The following ASAP2 variants were observed in gnomAD, a reference collection of about 807,000 sequenced individuals.
ASAP2 encodes the protein arf-GAP with SH3 domain, ANK repeat and PH domain-containing protein 2.
A neutral mutation model predicts 131.4 loss-of-function variants in ASAP2; 45 were observed. The ratio of observed to expected loss-of-function variants is 0.34; its 90% confidence interval spans 0.27 to 0.44. ASAP2 has a LOEUF of 0.44. Ranked by LOEUF, ASAP2 falls within the 20% of genes least tolerant of loss-of-function variation. The pLI is 1.00. For missense variants in ASAP2, 1,011 were observed against 1,297.0 expected (o/e 0.78, Z 3.39); for synonymous variants, 510 against 503.0 (o/e 1.01, Z -0.19).
chr2:9,297,947 AGC>A (rs1331168890), intron 3 of ASAP2, among the ~76,000 whole-genome samples: 1 of 150,432 alleles, frequency 6.6e-6, no homozygotes, highest in Non-Finnish European at 1.5e-5. Flanking sequence ...CTCGGTTTTC[AGC>A]CGTGGGAATG....
chr2:9,226,282 A>C (rs1662762601), intron 1 of ASAP2, among the ~76,000 whole-genome samples: 1 of 152,246 alleles, frequency 6.6e-6, no homozygotes, highest in Admixed American at 6.5e-5. Context: ...CCACTTATTT[A>C]TTCATTCAGT....
chr2:9,352,086 G>C (rs1672372128), intron 12 of ASAP2, among the ~76,000 whole-genome samples: 1 of 152,122 alleles, frequency 6.6e-6, no homozygotes, highest in Non-Finnish European at 1.5e-5. Flanking sequence ...TTGCAAGCCA[G>C]GTGTGGTGGT....
chr2:9,394,159 CTTTTTTTTTT>C (rs71389241), intron 24 of ASAP2, among the ~76,000 whole-genome samples: 1 of 81,740 alleles, frequency 1.2e-5, no homozygotes, highest in African/African-American at 5.1e-5. Context: ...TAGTTTGTGG[CTTTTTTTTTT>C]TTTTTTTTTT....
At chr2:9,301,478 T>A (rs11679067) in intron 3 of ASAP2, among the ~76,000 whole-genome samples, 2,074 of 152,312 alleles carry the variant, frequency 0.014, 53 homozygotes, top group African/African-American at 0.048. Flanking sequence ...TCTTCCCCAA[T>A]GGATGTGAGA....
chr2:9,213,072 C>T (rs1374599088), intron 1 of ASAP2, among the ~76,000 whole-genome samples: 4 of 152,176 alleles, frequency 2.6e-5, no homozygotes, highest in Non-Finnish European at 5.9e-5. Flanking sequence ...CAGACAGTTA[C>T]GTAACAACCT....
At chr2:9,347,440 AG>A (rs915924213) in intron 11 of ASAP2, among the ~76,000 whole-genome samples, 42 of 152,318 alleles carry the variant, frequency 2.8e-4, no homozygotes, top group African/African-American at 9.9e-4. Context: ...TCAGGAAAAA[AG>A]GGCACATTTC....
chr2:9,315,482 T>C (rs1295765921), intron 3 of ASAP2, among the ~76,000 whole-genome samples: 1 of 152,118 alleles, frequency 6.6e-6, no homozygotes, highest in African/African-American at 2.4e-5. Context: ...CAGAGATGAC[T>C]CTTGGGTGTC....
At chr2:9,294,531 G>C (rs547733552) in intron 2 of ASAP2, among the ~76,000 whole-genome samples, 5 of 152,116 alleles carry the variant, frequency 3.3e-5, no homozygotes, top group Admixed American at 1.3e-4. Flanking sequence ...TATGGTCTGG[G>C]GCAGGTGACA....
chr2:9,207,356 T>G lies in ASAP2; in HGVS notation c.126+126T>G. On this transcript the variant is annotated intron_variant, in intron 1 of 27. Transcript: ENST00000281419. The surrounding 1 kb of genome is among the most constrained non-coding windows in gnomAD (Gnocchi z 4.1). ...AAGCCGGACGCGGCCGGGCCAACCC[T>G]GCCCGAGACAGAAGCCCTTTGTTCC... 1.6e-6 allele frequency: 2 copies of G among 1,278,454 alleles called. No homozygotes were observed. The highest frequency in any genetic ancestry group is 1.0e-6 in the Non-Finnish European group (1 of 975,316). The allele number at this position is 1,278,454 out of a possible 1,614,324, so 79.2% of individuals were successfully genotyped here. A position where few individuals can be genotyped will look rare whatever the true frequency, so the allele number is the denominator to read the frequency against.
At chr2:9,391,274 A>G in intron 23 of ASAP2, 78 bp downstream of exon 23, 1 of 1,536,838 alleles carries the variant, frequency 6.5e-7, no homozygotes, top group Non-Finnish European at 8.8e-7. Flanking sequence ...CTGGAGCCAC[A>G]CAGCTGCCAG....
intron 20 of ASAP2, among the ~76,000 whole-genome samples, chr2:9,383,711 C>T (rs117453994): frequency 0.013 from 1,981 of 152,202 alleles, 64 homozygotes; most frequent in Admixed American, 0.077. Flanking sequence ...CACATGCACA[C>T]GTATGTTTAT....
intron 19 of ASAP2, among the ~76,000 whole-genome samples, chr2:9,379,558 C>T (rs572820672): frequency 1.1e-4 from 16 of 152,166 alleles, no homozygotes; most frequent in East Asian, 9.7e-4. Flanking sequence ...TCGAGGACCC[C>T]GACATGCCAA....
intron 1 of ASAP2, among the ~76,000 whole-genome samples, chr2:9,230,919 T>C (rs1291836362): frequency 6.6e-6 from 1 of 152,070 alleles, no homozygotes; most frequent in East Asian, 1.9e-4. Context: ...CTGTGTGACC[T>C]TGGAGGTGTG....
intron 2 of ASAP2, among the ~76,000 whole-genome samples, chr2:9,290,238 C>T (rs775750957): frequency 1.3e-5 from 2 of 152,148 alleles, no homozygotes; most frequent in East Asian, 1.9e-4. Flanking sequence ...GATGGAGTCT[C>T]GCTGTGTCAC....
chr2:9,403,692 G>T lies in ASAP2; in HGVS notation c.*365G>T. The T allele has an allele frequency of 5.2e-6, 1 of 191,706 alleles. No individual in the cohort carries two copies. The highest frequency in any genetic ancestry group is 1.1e-5 in the Non-Finnish European group (1 of 93,276). 11.9% of individuals were successfully genotyped at this position (191,706 alleles called of 1,614,324 possible). On this transcript the variant is annotated 3_prime_UTR_variant, in exon 28 of 28. Coordinates refer to ENST00000281419, the MANE Select transcript of ASAP2 (RefSeq NM_003887.3). Reference sequence around the variant, plus strand: ...CATTCCTTGGCCCAGTTCTGGAGTTGGTGACCTTTATCACAATTATTATTT... The same window carrying T: ...CATTCCTTGGCCCAGTTCTGGAGTTTGTGACCTTTATCACAATTATTATTT...
intron 20 of ASAP2, among the ~76,000 whole-genome samples, chr2:9,383,642 CCTTT>C (rs548578969): frequency 2.4e-4 from 36 of 152,136 alleles, no homozygotes; most frequent in Non-Finnish European, 4.0e-4. Flanking sequence ...AATCTTGAGG[CCTTT>C]CATTAGTCTT....
intron 3 of ASAP2, among the ~76,000 whole-genome samples, chr2:9,310,843 G>A (rs1669247903): frequency 6.6e-6 from 1 of 152,206 alleles, no homozygotes; most frequent in Non-Finnish European, 1.5e-5. Context: ...CTGTTTGGCT[G>A]GCTCTGTTCC....
chr2:9,260,707 C>T (rs1665519220), intron 1 of ASAP2, among the ~76,000 whole-genome samples: 1 of 152,036 alleles, frequency 6.6e-6, no homozygotes, highest in South Asian at 2.1e-4. Context: ...CCCATTCTAC[C>T]ATAGGGGAAT....
chr2:9,360,405 A>T (rs1477229734), intron 15 of ASAP2, among the ~76,000 whole-genome samples: 1 of 152,142 alleles, frequency 6.6e-6, no homozygotes, highest in Non-Finnish European at 1.5e-5. Flanking sequence ...GGGCCTCTTT[A>T]ATCTGATACC....
Sources: gnomAD v4.1 joint callset for allele counts (sites outside exome capture counted in the v4.1 genomes callset) on GRCh38, gnomAD v4.1.1 for gene constraint, Gnocchi (gnomAD v3.1) non-coding constraint, MANE v1.5 for transcripts, NCBI Gene and HGNC (gene_info 2026-07-23, HGNC 2026-07-21) for gene names.